The following SLC4A8 variants were observed in gnomAD, a reference collection of about 807,000 sequenced individuals.
SLC4A8 encodes electroneutral sodium bicarbonate exchanger 1.
Under a neutral mutation model 125.0 loss-of-function variants are expected in SLC4A8, and 40 were observed. The ratio of observed to expected loss-of-function variants is 0.32; its 90% CI spans 0.25 to 0.42. The LOEUF is 0.42. Ranked by LOEUF, SLC4A8 falls within the 10% of genes least tolerant of loss-of-function variation. SLC4A8 has a pLI of 1.00. For missense variants in SLC4A8, 863 were observed against 1,355.1 expected, an observed-to-expected ratio of 0.64 and a Z score of 5.70; for synonymous variants, 456 against 476.0, an observed-to-expected ratio of 0.96 and a Z score of 0.55.
intron 19 of SLC4A8, among the ~76,000 whole-genome samples, chr12:51,490,254 G>A (rs189802193): frequency 6.6e-6 from 1 of 152,208 alleles, no homozygotes; most frequent in East Asian, 1.9e-4. Context: ...CTGAGGAGAT[G>A]CTATTTAAGA....
chr12:51,484,631 T>A (rs1951116398), intron 16 of SLC4A8, among the ~76,000 whole-genome samples: 1 of 152,134 alleles, frequency 6.6e-6, no homozygotes, highest in South Asian at 2.1e-4. Flanking sequence ...CCGGTGATAT[T>A]ACGTGTGGCT....
intron 1 of SLC4A8, among the ~76,000 whole-genome samples, chr12:51,428,676 C>A (rs1416421732): frequency 2.6e-5 from 4 of 152,176 alleles, no homozygotes; most frequent in African/African-American, 9.7e-5. Context: ...TTCCGTGAAC[C>A]CTGACTTGTG....
chr12:51,420,420 C>T (rs1405828960), upstream of SLC4A8, among the ~76,000 whole-genome samples: 2 of 152,166 alleles, frequency 1.3e-5, no homozygotes, highest in Non-Finnish European at 2.9e-5. Context: ...TTTTCTCAGA[C>T]TTTTTGCGTT....
intron 1 of SLC4A8, among the ~76,000 whole-genome samples, chr12:51,395,194 C>T (rs548363491): frequency 1.6e-4 from 24 of 152,312 alleles, no homozygotes; most frequent in African/African-American, 5.5e-4. Context: ...TAGACATTGT[C>T]TCTATCTCCA....
At position 51,458,544 on chromosome 12, in the gene SLC4A8, A is replaced by G; in HGVS notation, c.764-15A>G. ...GGGCAGGGACTCAGGATTTTGTTTTATTTTCTCCAAATAGGTCAAACCGTG... is the reference window on the plus strand; with the variant it reads ...GGGCAGGGACTCAGGATTTTGTTTTGTTTTCTCCAAATAGGTCAAACCGTG... On this transcript the variant is annotated splice_polypyrimidine_tract_variant and intron_variant, in intron 6 of 24. Coordinates refer to ENST00000453097, the MANE Select transcript of SLC4A8 (RefSeq NM_001039960.3). 1 of 1,600,284 alleles carries G rather than the reference A, an allele frequency of 6.2e-7. No individual in the cohort carries two copies. The highest frequency in any genetic ancestry group is 8.6e-7 in the Non-Finnish European group (1 of 1,167,640).
intron 17 of SLC4A8, among the ~76,000 whole-genome samples, chr12:51,487,251 A>T (rs1006995628): frequency 1.3e-5 from 2 of 152,186 alleles, no homozygotes; most frequent in African/African-American, 4.8e-5. Context: ...ATTGTATCAC[A>T]TGGCACTCAA....
intron 22 of SLC4A8, among the ~76,000 whole-genome samples, chr12:51,503,613 G>A (rs1388633841): frequency 6.6e-6 from 1 of 152,168 alleles, no homozygotes; most frequent in African/African-American, 2.4e-5. Context: ...GCCATATATT[G>A]CAATTGGTTG....
chr12:51,427,184 C>T (rs773534133), intron 1 of SLC4A8, among the ~76,000 whole-genome samples: 6 of 151,930 alleles, frequency 3.9e-5, no homozygotes, highest in Non-Finnish European at 5.9e-5. Context: ...GTGATCTGCC[C>T]GCCTCGGCCT....
At chr12:51,411,942 GTTC>G (rs1157653152) in intron 1 of SLC4A8, among the ~76,000 whole-genome samples, 2 of 151,862 alleles carry the variant, frequency 1.3e-5, no homozygotes, top group East Asian at 3.9e-4. Context: ...TGTGCCTGTG[GTTC>G]CAGCTACTCG....
chr12:51,412,285 T>C (rs1948609847), intron 1 of SLC4A8, among the ~76,000 whole-genome samples: 1 of 152,184 alleles, frequency 6.6e-6, no homozygotes, highest in Non-Finnish European at 1.5e-5. Context: ...ATATCTTTAT[T>C]TTTAAAAATG....
chr12:51,399,980 C>CA (rs11323317), intron 1 of SLC4A8, among the ~76,000 whole-genome samples: 26 of 122,912 alleles, frequency 2.1e-4, no homozygotes, highest in East Asian at 1.4e-3. Context: ...CACTTCGTCT[C>CA]AAAAAAAAAA....
rs1384049476 is a variant in SLC4A8, at chr12:51,460,108, G to A, written c.1013G>A (p.Arg338Lys). Residue 338 changes from arginine (R) to lysine (K), a missense_variant and splice_region_variant, in exon 8 of 25, where the codon AGA becomes AAA. Physicochemically the swap from Arg to Lys is conservative, Grantham distance 26. This residue lies in a region of SLC4A8 where 390 missense variants were observed against 634.4 expected (regional missense o/e 0.61). Coordinates refer to ENST00000453097, the MANE Select transcript of SLC4A8 (RefSeq NM_001039960.3). Reference sequence around the variant, plus strand: ...CTAACAGAAGTGCCAATCCCAACAAGGTAAAGGCAAAGATAAAACTCATGC... The same window carrying A: ...CTAACAGAAGTGCCAATCCCAACAAAGTAAAGGCAAAGATAAAACTCATGC... ...SGLTEVPIPT[R>K]FLFILLGPVG... The A allele has an allele frequency of 5.0e-6, 8 of 1,613,112 alleles. No individual in the cohort carries two copies. The highest frequency in any genetic ancestry group is 6.8e-6 in the Non-Finnish European group (8 of 1,179,134).
chr12:51,479,988 T>C, intron 16 of SLC4A8: 1 of 282,866 alleles, frequency 3.5e-6, no homozygotes. Flanking sequence ...TTTTTTTTTT[T>C]CAGATGGAGT....
At position 51,510,813 on chromosome 12, in the gene SLC4A8, T is replaced by C. The variant is rs1241475556; in HGVS notation, c.*3375T>C. The C allele has an allele frequency of 6.6e-6, 1 of 152,176 alleles. No individual in the cohort carries two copies. The highest frequency in any genetic ancestry group is 1.5e-5 in the Non-Finnish European group (1 of 68,058). The allele number at this position is 152,176 out of a possible 1,614,324, so 9.4% of individuals were successfully genotyped here. A position where few individuals can be genotyped will look rare whatever the true frequency, so the allele number is the denominator to read the frequency against. The stretch of plus-strand genomic sequence containing the variant: ...AGTGCTCACGGGGCATGGGTGATTT[T>C]GTCTAGTCTGGTCCTTTTGGACGTG... On this transcript the variant is annotated 3_prime_UTR_variant, in exon 25 of 25. Coordinates refer to ENST00000453097, the MANE Select transcript of SLC4A8 (RefSeq NM_001039960.3).
rs1949804726 is a variant in SLC4A8 at position 51,447,266 on chromosome 12, A to G, written c.131-3610A>G. Among the ~76,000 whole-genome samples the G allele has an allele frequency of 2.7e-5, 4 of 150,752 alleles. No homozygotes were observed. The South Asian group carries it at 8.4e-4, about 32-fold the overall frequency. Reference sequence around the variant, plus strand: ...CCTGTCTAATTTTTTTTTTTTTTACACCTTTTGTGGAGATGAGGTCTCACT... The same window carrying G: ...CCTGTCTAATTTTTTTTTTTTTTACGCCTTTTGTGGAGATGAGGTCTCACT... On this transcript the variant is annotated intron_variant, in intron 2 of 24. Coordinates refer to ENST00000453097, the MANE Select transcript of SLC4A8 (RefSeq NM_001039960.3).
intron 1 of SLC4A8, among the ~76,000 whole-genome samples, chr12:51,408,233 T>C (rs565441781): frequency 2.5e-4 from 38 of 152,242 alleles, no homozygotes; most frequent in African/African-American, 9.1e-4. Flanking sequence ...TAATGGGTTT[T>C]GTTTGTTTGT....
chr12:51,514,874 C>T lies in SLC4A8; in HGVS notation c.*7436C>T, dbSNP rs1471806212. On this transcript the variant is annotated 3_prime_UTR_variant, in exon 25 of 25. Transcript: ENST00000453097. ...GAAAGGAGTGTTATGTGAACCTTTT[C>T]AGTAGGGAAATTCAGAAAATGGAAT... 1.3e-5 allele frequency: 2 copies of T among 152,140 alleles called. No individual in the cohort carries two copies. Among genetic ancestry groups the T allele is most frequent in the African/African-American group, 4.8e-5 (2 of 41,432 alleles). 9.4% of individuals were successfully genotyped at this position (152,140 alleles called of 1,614,324 possible).
At chr12:51,407,047 G>A (rs1948501547) in intron 1 of SLC4A8, among the ~76,000 whole-genome samples, 1 of 152,160 alleles carries the variant, frequency 6.6e-6, no homozygotes, top group Non-Finnish European at 1.5e-5. Context: ...CAGTCTGGAG[G>A]CTAAGTCCAA....
chr12:51,407,760 C>G (rs6580832), intron 1 of SLC4A8: 152,390 of 152,400 alleles, frequency 1, 76,190 homozygotes, highest in Middle Eastern at 1. Context: ...TGGTGTGGGA[C>G]GTGCACACAT....
Sources: allele counts gnomAD v4.1 joint callset (sites outside exome capture counted in the v4.1 genomes callset), GRCh38; gene constraint gnomAD v4.1.1; regional missense constraint gnomAD v4.1.1; transcripts MANE v1.5; gene names NCBI Gene and HGNC (gene_info 2026-07-23, HGNC 2026-07-21).